DGKG: variants seen among roughly 807,000 people sequenced by gnomAD.
DGKG encodes diacylglycerol kinase gamma, also known as DAG kinase gamma.
In DGKG, 78 loss-of-function variants were observed where a neutral mutation model predicts 105.3. That is an observed-to-expected ratio of 0.74 (90% CI 0.62 to 0.89). The LOEUF is 0.89. DGKG is among the 40% of genes least tolerant of loss of function. The probability of loss-of-function intolerance (pLI) is 0.00; values close to 1 mark genes in which losing one functional copy is unlikely to be tolerated. For missense variants in DGKG, 958 were observed against 1,020.1 expected (o/e 0.94, Z 0.83); for synonymous variants, 346 against 367.1 (o/e 0.94, Z 0.66).
chr3:186,353,247 G>T (rs1726722605), intron 1 of DGKG, among the ~76,000 whole-genome samples: 1 of 152,080 alleles, frequency 6.6e-6, no homozygotes, highest in Non-Finnish European at 1.5e-5. Context: ...CTCTGGCTGG[G>T]CATGGTGGCT....
intron 24 of DGKG, among the ~76,000 whole-genome samples, chr3:186,153,831 G>A (rs1037396795): frequency 6.6e-6 from 1 of 152,182 alleles, no homozygotes; most frequent in Non-Finnish European, 1.5e-5. Context: ...GGGGCCAGGC[G>A]CGGTGGCTCA....
At chr3:186,309,704 A>G (rs1170031478) in intron 2 of DGKG, among the ~76,000 whole-genome samples, 10 of 152,210 alleles carry the variant, frequency 6.6e-5, no homozygotes, top group Admixed American at 6.5e-4. Context: ...ATTTTGATTG[A>G]GAACCAGTGG....
chr3:186,358,240 T>C (rs1445966662), intron 1 of DGKG, among the ~76,000 whole-genome samples: 2 of 152,240 alleles, frequency 1.3e-5, no homozygotes, highest in Admixed American at 6.5e-5. Flanking sequence ...CATAGTTCAG[T>C]GGGAGATATG....
chr3:186,261,637 G>T, intron 15 of DGKG, 62 bp downstream of exon 15: 1 of 1,190,674 alleles, frequency 8.4e-7, no homozygotes, highest in Non-Finnish European at 1.2e-6. Context: ...TCCTGCCAAG[G>T]GGAGGAAGGG....
chr3:186,249,905 C>A (rs1721125344), intron 19 of DGKG, among the ~76,000 whole-genome samples: 1 of 152,188 alleles, frequency 6.6e-6, no homozygotes, highest in Non-Finnish European at 1.5e-5. Flanking sequence ...CCTATCATTT[C>A]TCCTTCTCTT....
chr3:186,210,689 G>C lies in DGKG; in HGVS notation c.1917+1106C>G, dbSNP rs1428974074. ...CTTTCCTACACCACTCCAGGCCACA[G>C]GTGCCTCCTCCAGGGAGGCCCAGGC... On this transcript the variant is annotated intron_variant, in intron 21 of 24. Transcript: ENST00000265022. This position sits in a 1 kb window ranked among gnomAD's most constrained non-coding sequence, Gnocchi z 5.2. The C allele has an allele frequency of 2.2e-6, 1 of 446,886 alleles. No individual in the cohort carries two copies. Among genetic ancestry groups the C allele is most frequent in the South Asian group, 1.6e-5 (1 of 63,668 alleles). The allele number at this position is 446,886 out of a possible 1,614,324, so 27.7% of individuals were successfully genotyped here. A position where few individuals can be genotyped will look rare whatever the true frequency, so the allele number is the denominator to read the frequency against.
intron 19 of DGKG, among the ~76,000 whole-genome samples, chr3:186,250,651 G>C (rs1721172777): frequency 1.4e-5 from 2 of 140,138 alleles, no homozygotes; most frequent in Non-Finnish European, 3.0e-5. Context: ...CCAGGTTCAA[G>C]CAATTCTCCT....
chr3:186,233,900 C>T (rs1157799496), intron 20 of DGKG, among the ~76,000 whole-genome samples: 1 of 152,184 alleles, frequency 6.6e-6, no homozygotes, highest in Non-Finnish European at 1.5e-5. Flanking sequence ...GGGAGAGTAA[C>T]TTGGTCAAGG....
intron 1 of DGKG, among the ~76,000 whole-genome samples, chr3:186,349,117 G>T (rs572542487): frequency 2.0e-5 from 3 of 151,526 alleles, no homozygotes; most frequent in Admixed American, 2.0e-4. Context: ...TGTCACTCAG[G>T]CTGGAGTGCC....
intron 20 of DGKG, among the ~76,000 whole-genome samples, chr3:186,224,185 C>T (rs765496104): frequency 7.9e-5 from 12 of 152,122 alleles, no homozygotes; most frequent in South Asian, 6.2e-4. Context: ...AAAAATATTC[C>T]GCTTGGTTTA....
At chr3:186,206,851 G>A (rs927426628) in intron 21 of DGKG, among the ~76,000 whole-genome samples, 4 of 152,072 alleles carry the variant, frequency 2.6e-5, no homozygotes, top group African/African-American at 9.7e-5. Context: ...ATGAGTTCAA[G>A]AGATTCTCCT....
At chr3:186,273,023 G>C (rs1025737189) in intron 10 of DGKG, among the ~76,000 whole-genome samples, 2 of 152,146 alleles carry the variant, frequency 1.3e-5, no homozygotes, top group African/African-American at 4.8e-5. Context: ...CCTGGCCAAG[G>C]TCAGGGCTTT....
chr3:186,349,165 G>A (rs1726505024), intron 1 of DGKG, among the ~76,000 whole-genome samples: 1 of 151,520 alleles, frequency 6.6e-6, no homozygotes, highest in South Asian at 2.1e-4. Context: ...TTGACCTTCT[G>A]GGCTTAAGCA....
intron 1 of DGKG, among the ~76,000 whole-genome samples, chr3:186,322,657 C>A (rs937012144): frequency 6.6e-6 from 1 of 152,138 alleles, no homozygotes; most frequent in African/African-American, 2.4e-5. Context: ...CTCTGATGGA[C>A]CTCATCCACC....
At chr3:186,305,241 T>G (rs935483370) in intron 3 of DGKG, among the ~76,000 whole-genome samples, 2 of 151,978 alleles carry the variant, frequency 1.3e-5, no homozygotes, top group African/African-American at 4.8e-5. Flanking sequence ...GGGCTTCAAG[T>G]TTTAGATGAA....
rs1314778332 is a variant in DGKG at position 186,284,641 on chromosome 3, A to G, written c.594+19T>C. The G allele has an allele frequency of 6.2e-7, 1 of 1,609,110 alleles. No individual in the cohort carries two copies. The highest frequency in any genetic ancestry group is 1.1e-5 in the South Asian group (1 of 90,970). On this transcript the variant is annotated intron_variant, in intron 7 of 24. Transcript: ENST00000265022. The surrounding 1 kb of genome is among the most constrained non-coding windows in gnomAD (Gnocchi z 4.0). ...AGCCTTTCTCAGGTCCATGAGGGAT[A>G]TTTAGAGTGAGAACTTACCGCTTGG...
chr3:186,355,962 G>A (rs1209098004), intron 1 of DGKG, among the ~76,000 whole-genome samples: 1 of 152,204 alleles, frequency 6.6e-6, no homozygotes, highest in Non-Finnish European at 1.5e-5. Context: ...ATTAGTTTAT[G>A]TCAGACCAAC....
At position 186,147,871 on chromosome 3, in the gene DGKG, G is replaced by A; in HGVS notation, c.*2219C>T. ...AGTACCTGTAGTAATTCTGGAGCTTGTTGGTCCCATCACCAAGAATACCAT... is the reference window on the plus strand; with the variant it reads ...AGTACCTGTAGTAATTCTGGAGCTTATTGGTCCCATCACCAAGAATACCAT... On this transcript the variant is annotated 3_prime_UTR_variant, in exon 25 of 25. Transcript: ENST00000265022. 2 of 985,418 alleles carry A rather than the reference G, an allele frequency of 2.0e-6. No individual in the cohort carries two copies. The highest frequency in any genetic ancestry group is 1.2e-6 in the Non-Finnish European group (1 of 829,938). The allele number at this position is 985,418 out of a possible 1,614,324, so 61.0% of individuals were successfully genotyped here.
chr3:186,258,685 A>G (rs1721599887), intron 16 of DGKG, among the ~76,000 whole-genome samples: 1 of 152,010 alleles, frequency 6.6e-6, no homozygotes, highest in African/African-American at 2.4e-5. Context: ...CATGCTCATC[A>G]CTGCTTGGAA....
Sources: allele counts gnomAD v4.1 joint callset (sites outside exome capture counted in the v4.1 genomes callset), GRCh38; gene constraint gnomAD v4.1.1; non-coding constraint Gnocchi (gnomAD v3.1); transcripts MANE v1.5; gene names NCBI Gene and HGNC (gene_info 2026-07-23, HGNC 2026-07-21).